SMCHD1: variants seen among roughly 807,000 people sequenced by gnomAD.
SMCHD1 encodes structural maintenance of chromosomes flexible hinge domain containing 1.
Under a neutral mutation model 254.7 loss-of-function variants are expected in SMCHD1, and 78 were observed. That is an observed-to-expected ratio of 0.31 (90% confidence interval 0.26 to 0.37). The LOEUF (loss-of-function observed/expected upper bound fraction) is 0.37, where lower values mean the gene tolerates loss of function less well. Ranked by LOEUF, SMCHD1 falls within the 10% of genes least tolerant of loss-of-function variation. SMCHD1 has a pLI of 1.00. For synonymous variants in SMCHD1, 766 were observed against 794.9 expected (o/e 0.96, Z 0.61); for missense variants, 1,840 against 2,408.1 (o/e 0.76, Z 4.94).
chr18:2,707,733 A>T, intron 16 of SMCHD1, 74 bp from the exon 17 acceptor site: 1 of 1,472,836 alleles, frequency 6.8e-7, no homozygotes, highest in Non-Finnish European at 9.4e-7. Flanking sequence ...AGATATTAAA[A>T]TGCAATGGGA....
chr18:2,742,924 T>C (rs547629053), intron 28 of SMCHD1, among the ~76,000 whole-genome samples: 1 of 152,170 alleles, frequency 6.6e-6, no homozygotes, highest in African/African-American at 2.4e-5. Context: ...TCCTTCCACC[T>C]TGGCCTCGTA....
At chr18:2,729,997 C>T (rs2075105881) in intron 24 of SMCHD1, among the ~76,000 whole-genome samples, 1 of 152,114 alleles carries the variant, frequency 6.6e-6, no homozygotes, top group Admixed American at 6.5e-5. Context: ...TATAGGTGTG[C>T]ACCACTGTGC....
chr18:2,755,752 A>G (rs1014022778), intron 34 of SMCHD1, among the ~76,000 whole-genome samples: 6 of 151,246 alleles, frequency 4.0e-5, no homozygotes, highest in Non-Finnish European at 8.8e-5. Context: ...TATTTTTAGT[A>G]GAGACAGGGT....
At chr18:2,750,153 G>T (rs2075543911) in intron 31 of SMCHD1, 31 bp downstream of exon 31, 2 of 1,550,022 alleles carry the variant, frequency 1.3e-6, no homozygotes, top group Non-Finnish European at 1.7e-6. Flanking sequence ...AGTTGTTGGT[G>T]TTATAGAGAT....
chr18:2,688,018 CTAATT>C (rs2074091529), intron 5 of SMCHD1, among the ~76,000 whole-genome samples: 1 of 152,188 alleles, frequency 6.6e-6, no homozygotes, highest in Admixed American at 6.6e-5. Context: ...CTCCTTTGCT[CTAATT>C]ACCATTATTC....
rs886043464 is a variant in SMCHD1 at position 2,778,170 on chromosome 18, A to G, written c.5478A>G (p.Val1826=). The part of the protein sequence containing the change: ...FPDNVEHCET[V]FGMLLGDTII... ...AAATTCATTTATTGACTTTTTTAGT[A>G]TTTGGTATGCTGTTAGGAGACACCA... The change falls in exon 44 of 48, where the codon GTA becomes GTG. Residue 1826 remains valine, a splice_region_variant and synonymous_variant. Coordinates refer to ENST00000320876, the MANE Select transcript of SMCHD1 (RefSeq NM_015295.3). 31 of 1,598,888 alleles carry G rather than the reference A, an allele frequency of 1.9e-5. No homozygotes were observed. Among genetic ancestry groups the G allele is most frequent in the Non-Finnish European group, 2.6e-5 (30 of 1,172,094 alleles).
In SMCHD1 at chr18:2,763,704, A is replaced by G. The variant is rs776704924; in HGVS notation, c.4634A>G (p.Asn1545Ser). The change falls in exon 37 of 48, where the codon AAT becomes AGT. Residue 1545 changes from asparagine (N) to serine (S), a missense_variant. Around this residue, in one of 9 missense-constraint regions of SMCHD1, gnomAD observed 881 missense variants for 1,009.5 expected, o/e 0.87. Coordinates refer to ENST00000320876, the MANE Select transcript of SMCHD1 (RefSeq NM_015295.3). ...GTIIATIKGS[N>S]EEDTDTPLFI... The stretch of plus-strand genomic sequence containing the variant: ...ATAATAGCCACCATTAAAGGCTCTA[A>G]TGAGGAAGATACTGATACCCCACTT... The G allele has an allele frequency of 6.2e-7, 1 of 1,609,296 alleles. No homozygotes were observed. The highest frequency in any genetic ancestry group is 8.5e-7 in the Non-Finnish European group (1 of 1,177,728).
At chr18:2,680,489 A>G (rs2073900076) in intron 5 of SMCHD1, among the ~76,000 whole-genome samples, 1 of 152,142 alleles carries the variant, frequency 6.6e-6, no homozygotes, top group Admixed American at 6.5e-5. Flanking sequence ...GCTTTTGCTG[A>G]GGGGCTCTGT....
intron 17 of SMCHD1, among the ~76,000 whole-genome samples, chr18:2,710,430 A>C (rs2074640692): frequency 6.6e-6 from 1 of 152,194 alleles, no homozygotes; most frequent in African/African-American, 2.4e-5. Context: ...AGAAAACACC[A>C]TTGCGATCCT....
chr18:2,685,370 A>T (rs1373524115), intron 5 of SMCHD1, among the ~76,000 whole-genome samples: 1 of 152,062 alleles, frequency 6.6e-6, no homozygotes, highest in East Asian at 1.9e-4. Context: ...AAGTGCTGGG[A>T]TTACAGGCGT....
chr18:2,785,855 T>A (rs1342331875), intron 45 of SMCHD1, among the ~76,000 whole-genome samples: 1 of 152,116 alleles, frequency 6.6e-6, no homozygotes, highest in East Asian at 1.9e-4. Context: ...CATACAGAGT[T>A]TGTCCTTTTG....
At chr18:2,767,547 C>A (rs2143719901) in intron 37 of SMCHD1, among the ~76,000 whole-genome samples, 1 of 149,114 alleles carries the variant, frequency 6.7e-6, no homozygotes, top group African/African-American at 2.5e-5. Context: ...GTGATATAGC[C>A]TACTATACAC....
chr18:2,772,467 C>A, intron 41 of SMCHD1, 95 bp downstream of exon 41: 1 of 1,084,424 alleles, frequency 9.2e-7, no homozygotes, highest in Non-Finnish European at 1.3e-6. Context: ...GTGTCAGGTT[C>A]TTTGTAATTT....
chr18:2,738,678 G>A, intron 26 of SMCHD1, 133 bp downstream of exon 26: 1 of 813,490 alleles, frequency 1.2e-6, no homozygotes, highest in African/African-American at 1.8e-5. Flanking sequence ...TTGGAATAAA[G>A]TGTCATTGGT....
intron 1 of SMCHD1, among the ~76,000 whole-genome samples, chr18:2,663,512 T>A (rs1474496520): frequency 6.6e-6 from 1 of 152,206 alleles, no homozygotes; most frequent in Non-Finnish European, 1.5e-5. Context: ...GCTTTAATTC[T>A]CCTGGAATTT....
intron 27 of SMCHD1, among the ~76,000 whole-genome samples, 186 bp downstream of exon 27, chr18:2,739,706 T>C (rs1207060406): frequency 6.6e-6 from 1 of 152,234 alleles, no homozygotes; most frequent in Non-Finnish European, 1.5e-5. Flanking sequence ...GACATAGCTT[T>C]AAAATCAGTT....
chr18:2,752,572 A>G lies in SMCHD1; in HGVS notation c.4346+20A>G, dbSNP rs2075595336. The G allele has an allele frequency of 2.1e-6, 3 of 1,450,374 alleles. No homozygotes were observed. The highest frequency in any genetic ancestry group is 2.9e-6 in the Non-Finnish European group (3 of 1,033,912). 89.8% of individuals were successfully genotyped at this position (1,450,374 alleles called of 1,614,324 possible). The stretch of plus-strand genomic sequence containing the variant: ...TTTCAGGTATTTCTCAAAACATTTC[A>G]TATTTTGAATACATATCTTGTTACA... On this transcript the variant is annotated intron_variant, in intron 34 of 47. Coordinates refer to ENST00000320876, the MANE Select transcript of SMCHD1 (RefSeq NM_015295.3).
At chr18:2,763,884 A>T in intron 37 of SMCHD1, 95 bp downstream of exon 37, 1 of 1,173,948 alleles carries the variant, frequency 8.5e-7, no homozygotes, top group Non-Finnish European at 1.2e-6. Flanking sequence ...AGCTATGAAG[A>T]TGTTCTAATC....
intron 1 of SMCHD1, among the ~76,000 whole-genome samples, chr18:2,662,183 A>T (rs1316306935): frequency 3.2e-5 from 3 of 93,546 alleles, no homozygotes; most frequent in African/African-American, 1.2e-4. Flanking sequence ...AAAAAATAAA[A>T]TAAATAAATA....
Sources: allele counts gnomAD v4.1 joint callset (sites outside exome capture counted in the v4.1 genomes callset), GRCh38; gene constraint gnomAD v4.1.1; regional missense constraint gnomAD v4.1.1; transcripts MANE v1.5; gene names NCBI Gene and HGNC (gene_info 2026-07-23, HGNC 2026-07-21).